The following DVL1 variants were observed in gnomAD, a reference collection of about 807,000 sequenced individuals.
The protein encoded by DVL1 is segment polarity protein dishevelled homolog DVL-1.
In DVL1, 49 loss-of-function variants were observed where a neutral mutation model predicts 65.0. The observed-to-expected ratio is 0.75, with a 90% CI of 0.60 to 0.96. DVL1 has a LOEUF of 0.96. Ranked by LOEUF, DVL1 falls within the 40% of genes least tolerant of loss-of-function variation. The probability of loss-of-function intolerance (pLI) is 0.00; values close to 1 mark genes in which losing one functional copy is unlikely to be tolerated. For synonymous variants in DVL1, 608 were observed against 433.9 expected (o/e 1.40, Z -4.99); for missense variants, 1,197 against 1,045.4 (o/e 1.15, Z -2.00).
At chr1:1,345,882 CTG>C (rs1167318188) in intron 1 of DVL1, among the ~76,000 whole-genome samples, 1 of 152,140 alleles carries the variant, frequency 6.6e-6, no homozygotes, top group Non-Finnish European at 1.5e-5. Context: ...CCTTGGGGGT[CTG>C]TGGCCTCCCA....
In DVL1 at chr1:1,336,338, C is replaced by A. The variant is rs763938693; in HGVS notation, c.1892G>T (p.Arg631Leu). The change falls in exon 15 of 15, where the codon CGC (arginine) becomes CTC (leucine). Residue 631 changes from arginine (R) to leucine (L), a missense_variant. Physicochemically the swap from Arg to Leu is moderately radical, Grantham distance 102 (BLOSUM62 -2). Transcript: ENST00000378888. ...AGQLSRGSSPRSQASATAPGL... is the reference protein window; with the variant it reads ...AGQLSRGSSPLSQASATAPGL... ...CGGGGCGGTAGCCGAGGCCTGACTG[C>A]GTGGGCTGCTGCCACGGCTGAGCTG... The A allele has an allele frequency of 7.7e-5, 123 of 1,590,328 alleles. No individual in the cohort carries two copies. The highest frequency in any genetic ancestry group is 1.0e-4 in the Non-Finnish European group (123 of 1,175,406).
chr1:1,339,733 C>G lies in DVL1; in HGVS notation c.986+3G>C. 6.2e-7 allele frequency: 1 copy of G among 1,613,152 alleles called. No homozygotes were observed. The highest frequency in any genetic ancestry group is 8.5e-7 in the Non-Finnish European group (1 of 1,179,910). On this transcript the variant is annotated splice_donor_region_variant and intron_variant, in intron 9 of 14. Coordinates refer to ENST00000378888, the MANE Select transcript of DVL1 (RefSeq NM_001330311.2). ...CTCCCGCTCCAGCGCCCCCAGCCCTCACCCCGTCTGGGAAACGATCTCCCG... is the reference window on the plus strand; with the variant it reads ...CTCCCGCTCCAGCGCCCCCAGCCCTGACCCCGTCTGGGAAACGATCTCCCG...
intron 5 of DVL1, 117 bp downstream of exon 5, chr1:1,341,550 G>T: frequency 7.7e-7 from 1 of 1,300,142 alleles, no homozygotes; most frequent in Non-Finnish European, 1.0e-6. Context: ...GCACACACAT[G>T]CACACACACG....
rs145733533 is a variant in DVL1 at position 1,348,426 on chromosome 1, G to A, written c.170+470C>T. 9.2e-5 allele frequency among the ~76,000 whole-genome samples: 14 copies of A among 152,116 alleles called. No individual in the cohort carries two copies. In the South Asian group the frequency reaches 2.7e-3, roughly 29 times the overall value. On this transcript the variant is annotated intron_variant, in intron 1 of 14. Transcript: ENST00000378888. Reference sequence around the variant, plus strand: ...CCTGTCACAAGGACCCTGCAGAAGGGGGCCAGGAGAACCTGTCTTGACCCT... The same window carrying A: ...CCTGTCACAAGGACCCTGCAGAAGGAGGCCAGGAGAACCTGTCTTGACCCT...
Position 1,349,311 on chromosome 1 carries a change from G to C in DVL1, c.-246C>G, listed in dbSNP as rs1040159345. 2 of 145,836 alleles carry C rather than the reference G, an allele frequency of 1.4e-5. No individual in the cohort carries two copies. The highest frequency in any genetic ancestry group is 4.9e-5 in the African/African-American group (2 of 40,580). 9.0% of individuals were successfully genotyped at this position (145,836 alleles called of 1,614,324 possible). ...TCCGCCCCCGGCCCGGGAGCGGCGC[G>C]AGGGACGCAGCACGGAGGGCGCGCT... On this transcript the variant is annotated 5_prime_UTR_variant, in exon 1 of 15. Coordinates refer to ENST00000378888, the MANE Select transcript of DVL1 (RefSeq NM_001330311.2). The surrounding 1 kb of genome is among the most constrained non-coding windows in gnomAD (Gnocchi z 4.1).
At chr1:1,346,240 G>A (rs926347043) in intron 1 of DVL1, among the ~76,000 whole-genome samples, 2 of 152,154 alleles carry the variant, frequency 1.3e-5, no homozygotes, top group African/African-American at 4.8e-5. Context: ...GCCCATGGCA[G>A]GCGGCCCTGG....
rs370619119 is a variant in DVL1, at chr1:1,338,503, C to T, written c.1339+19G>A. The stretch of plus-strand genomic sequence containing the variant: ...AGCCCTGCCCCTGGCACTATCCGCC[C>T]GCGGGGACGGCCACTCACCGATGAC... On this transcript the variant is annotated intron_variant, in intron 12 of 14. Coordinates refer to ENST00000378888, the MANE Select transcript of DVL1 (RefSeq NM_001330311.2). 41 of 1,611,662 alleles carry T rather than the reference C, an allele frequency of 2.5e-5. No homozygotes were observed. The highest frequency in any genetic ancestry group is 1.3e-4 in the African/African-American group (10 of 74,922).
rs762255863 is a variant in DVL1, at chr1:1,342,490, G to C, written c.241-6C>G. ...GCACCCTCAGCCAGGACCAGCTGTG[G>C]AGGGAGCAGGCATGCTCAGGGGAGC... is the stretch of plus-strand genomic sequence containing the variant. On this transcript the variant is annotated splice_polypyrimidine_tract_variant and splice_region_variant and intron_variant, in intron 2 of 14. Coordinates refer to ENST00000378888, the MANE Select transcript of DVL1 (RefSeq NM_001330311.2). 1 of 1,609,980 alleles carries C rather than the reference G, an allele frequency of 6.2e-7. No homozygotes were observed. The highest frequency in any genetic ancestry group is 8.5e-7 in the Non-Finnish European group (1 of 1,179,288).
intron 11 of DVL1, 128 bp downstream of exon 11, chr1:1,339,159 G>A (rs1347278738): frequency 1.1e-5 from 14 of 1,278,876 alleles, no homozygotes; most frequent in East Asian, 7.6e-5. Context: ...TCTGTGCAGG[G>A]AGTTGGGGAC....
chr1:1,339,870 C>T lies in DVL1; in HGVS notation c.910-58G>A, dbSNP rs560356950. On this transcript the variant is annotated intron_variant, in intron 8 of 14. Transcript: ENST00000378888. The stretch of plus-strand genomic sequence containing the variant: ...GGATGTGCAGCTCAGTCCACCGCCC[C>T]CGCAGACCCACCCACAGCCGCATGT... 1.6e-4 allele frequency: 255 copies of T among 1,592,188 alleles called. No homozygotes were observed. In the South Asian group the frequency reaches 2.4e-3, roughly 15 times the overall value.
At position 1,340,507 on chromosome 1, in the gene DVL1, G is replaced by C. The variant is rs777763349; in HGVS notation, c.606-4C>G. ...CTGCTCCGTGGAGCTGCTGAGCCTG[G>C]GAACAGACTGTCAGAGCTCAGAGGA... On this transcript the variant is annotated splice_region_variant and splice_polypyrimidine_tract_variant and intron_variant, in intron 5 of 14. Coordinates refer to ENST00000378888, the MANE Select transcript of DVL1 (RefSeq NM_001330311.2). 1 of 1,597,922 alleles carries C rather than the reference G, an allele frequency of 6.3e-7. No homozygotes were observed. Among genetic ancestry groups the C allele is most frequent in the Non-Finnish European group, 8.5e-7 (1 of 1,172,424 alleles).
At chr1:1,339,702 T>A in intron 9 of DVL1, 34 bp downstream of exon 9, 2 of 1,612,708 alleles carry the variant, frequency 1.2e-6, no homozygotes, top group Non-Finnish European at 1.7e-6. Context: ...CCTCCCTGCC[T>A]GGCCCCTCCC....
intron 1 of DVL1, among the ~76,000 whole-genome samples, chr1:1,348,144 C>A (rs1168154163): frequency 6.6e-6 from 1 of 152,204 alleles, no homozygotes; most frequent in East Asian, 1.9e-4. Flanking sequence ...CCAGGCCAGG[C>A]CTCAAGCAGA....
Position 1,336,206 on chromosome 1 carries a change from C to T in DVL1, c.2024G>A (p.Gly675Asp), listed in dbSNP as rs1420417066. The change falls in exon 15 of 15, where the codon GGC becomes GAC. Residue 675 changes from glycine to aspartate, a missense_variant. Gly to Asp is a moderately conservative substitution (Grantham distance 94, BLOSUM62 -1). Coordinates refer to ENST00000378888, the MANE Select transcript of DVL1 (RefSeq NM_001330311.2). ...ELAAVPPELT[G>D]SRQSFQKAMG... is the part of the protein sequence containing the mutation. ...AGCCTTCTGGAAGGACTGGCGGCTG[C>T]CTGTCAATTCCGGGGGGACGGCAGC... The T allele has an allele frequency of 1.9e-6, 3 of 1,561,894 alleles. No individual in the cohort carries two copies. Among genetic ancestry groups the T allele is most frequent in the African/African-American group, 2.7e-5 (2 of 74,234 alleles).
chr1:1,339,183 G>T (rs1234455479), intron 11 of DVL1, 104 bp downstream of exon 11: 7 of 1,444,258 alleles, frequency 4.8e-6, no homozygotes, highest in South Asian at 1.3e-5. Flanking sequence ...CAACACACAC[G>T]TGTCACAGCC....
rs770915923 is a variant in DVL1, at chr1:1,338,179, G to T, written c.1512C>A (p.Leu504=). Residue 504 remains leucine (L), a synonymous_variant, in exon 14 of 15, where the codon CTC becomes CTA. Transcript: ENST00000378888. The part of the protein sequence containing the change: ...YYVFGDLCSN[L]ATLNLNSGSS... ...AGCCACTGTTGAGGTTCAGGGTGGC[G>T]AGATCTGGCGGGGGAGGGTAGGTGA... 1.2e-5 allele frequency: 19 copies of T among 1,603,642 alleles called. No individual in the cohort carries two copies. The East Asian group carries it at 2.9e-4, about 25-fold the overall frequency.
rs921846126 is a variant in DVL1 at position 1,348,788 on chromosome 1, C to T, written c.170+108G>A. 22 of 1,005,658 alleles carry T rather than the reference C, an allele frequency of 2.2e-5. No homozygotes were observed. In the African/African-American group the frequency reaches 3.3e-4, roughly 15 times the overall value. The allele number at this position is 1,005,658 out of a possible 1,614,324, so 62.3% of individuals were successfully genotyped here. On this transcript the variant is annotated intron_variant, in intron 1 of 14. Coordinates refer to ENST00000378888, the MANE Select transcript of DVL1 (RefSeq NM_001330311.2). ...ATCTAGCGGAGGCGCGTCGCGGTCG[C>T]AGGTCCCCGGGGGCGCGAACGGCTC...
intron 14 of DVL1, 54 bp downstream of exon 14, chr1:1,337,922 TG>T: frequency 2.1e-6 from 3 of 1,396,518 alleles, no homozygotes; most frequent in East Asian, 4.7e-5. Flanking sequence ...AGCAGTGGAG[TG>T]GGGCGGAGCT....
chr1:1,341,601 C>T (rs1173896807), intron 5 of DVL1, 66 bp downstream of exon 5: 1 of 1,539,324 alleles, frequency 6.5e-7, no homozygotes, highest in Non-Finnish European at 8.8e-7. Context: ...CAGACACATG[C>T]ACATCATGTA....
Sources: gnomAD v4.1 joint callset for allele counts (sites outside exome capture counted in the v4.1 genomes callset) on GRCh38, gnomAD v4.1.1 for gene constraint, Gnocchi (gnomAD v3.1) non-coding constraint, MANE v1.5 for transcripts, NCBI Gene and HGNC (gene_info 2026-07-23, HGNC 2026-07-21) for gene names.